The following CCDC171 variants were observed in gnomAD, a reference collection of about 807,000 sequenced individuals.
CCDC171 encodes the protein coiled-coil domain-containing protein 171.
In CCDC171, 177 loss-of-function variants were observed where a neutral mutation model predicts 168.2. The observed-to-expected ratio is 1.05, with a 90% CI of 0.93 to 1.19. CCDC171 has a LOEUF of 1.19. Among genes scored for constraint, CCDC171 ranks in the 50% most tolerant of loss-of-function variants. CCDC171 has a pLI of 0.00. For missense variants in CCDC171, 1,991 were observed against 1,539.0 expected (o/e 1.29, Z -4.91); for synonymous variants, 687 against 540.8 (o/e 1.27, Z -3.75).
chr9:15,925,839 G>T (rs1825834755), intron 25 of CCDC171, among the ~76,000 whole-genome samples: 1 of 151,644 alleles, frequency 6.6e-6, no homozygotes, highest in Non-Finnish European at 1.5e-5. Flanking sequence ...CATCATCTCT[G>T]AAAAGCACTG....
At chr9:15,648,334 G>A (rs2047216018) in intron 7 of CCDC171, among the ~76,000 whole-genome samples, 1 of 152,114 alleles carries the variant, frequency 6.6e-6, no homozygotes, top group Admixed American at 6.5e-5. Flanking sequence ...TTGAAAACTG[G>A]CACAATCCAG....
In CCDC171 at chr9:15,706,052, T is replaced by C. The variant is rs755868306; in HGVS notation, c.1318+10715T>C. Among the ~76,000 whole-genome samples the C allele has an allele frequency of 5.6e-4, 85 of 152,190 alleles. 1 individual carries two copies. Among genetic ancestry groups the C allele is most frequent in the Non-Finnish European group, 1.1e-3 (72 of 68,024 alleles). On this transcript the variant is annotated intron_variant, in intron 11 of 25. Coordinates refer to ENST00000380701, the MANE Select transcript of CCDC171 (RefSeq NM_173550.4). ...TCTTTCATGGATCATAGAAATGCCA[T>C]CTTGATTGCCTCTATCATTAGGGAC...
intron 18 of CCDC171, among the ~76,000 whole-genome samples, chr9:15,755,865 A>G (rs528246960): frequency 2.0e-5 from 3 of 152,300 alleles, no homozygotes; most frequent in South Asian, 4.1e-4. Flanking sequence ...AAAATGTTTT[A>G]AAATTGGTTG....
At chr9:15,715,132 C>G (rs973478629) in intron 11 of CCDC171, among the ~76,000 whole-genome samples, 1 of 152,186 alleles carries the variant, frequency 6.6e-6, no homozygotes, top group Non-Finnish European at 1.5e-5. Flanking sequence ...CTACACAGAA[C>G]TCATCAACGA....
At chr9:16,055,537 C>T (rs922353796) in intron 1 of CCDC171, among the ~76,000 whole-genome samples, 2 of 152,124 alleles carry the variant, frequency 1.3e-5, no homozygotes, top group African/African-American at 4.8e-5. Context: ...GTCCACTGCC[C>T]CCTCAGCAAC....
intron 24 of CCDC171, among the ~76,000 whole-genome samples, chr9:15,878,578 C>G (rs1000031473): frequency 6.6e-6 from 1 of 152,110 alleles, no homozygotes. Context: ...GGCAATTCCT[C>G]AAAAAGCTGA....
In CCDC171 at chr9:15,698,901, C is replaced by G. The variant is rs755076202; in HGVS notation, c.1318+3564C>G. On this transcript the variant is annotated intron_variant, in intron 11 of 25. Coordinates refer to ENST00000380701, the MANE Select transcript of CCDC171 (RefSeq NM_173550.4). ...CCATTGCTAGACACTTAGGTTGATT[C>G]TATATCTTGGTTATTGTGAATAATA... Among the ~76,000 whole-genome samples, 4 of 152,164 alleles carry G rather than the reference C, an allele frequency of 2.6e-5. No individual in the cohort carries two copies. The South Asian group carries it at 6.2e-4, about 24-fold the overall frequency.
rs1375640027 is a variant in CCDC171 at position 15,818,495 on chromosome 9, C to G, written c.3268-28207C>G. 1.7e-5 allele frequency among the ~76,000 whole-genome samples: 2 copies of G among 117,378 alleles called. 1 individual carries two copies. Among genetic ancestry groups the G allele is most frequent in the Admixed American group, 1.6e-4 (2 of 12,424 alleles). The allele number at this position is 117,378 out of a possible 152,430, so 77.0% of individuals were successfully genotyped here. Reference sequence around the variant, plus strand: ...ACTAGAATAACCAATGCAGAGAAGTCCTTAAAGGACCTGATGAAGCTGAAA... The same window carrying G: ...ACTAGAATAACCAATGCAGAGAAGTGCTTAAAGGACCTGATGAAGCTGAAA... On this transcript the variant is annotated intron_variant, in intron 21 of 25. Coordinates refer to ENST00000380701, the MANE Select transcript of CCDC171 (RefSeq NM_173550.4).
At chr9:15,750,807 C>T (rs1422755199) in intron 18 of CCDC171, among the ~76,000 whole-genome samples, 1 of 152,126 alleles carries the variant, frequency 6.6e-6, no homozygotes, top group Non-Finnish European at 1.5e-5. Flanking sequence ...TTATGACAAA[C>T]CCACAGCCAA....
At chr9:15,842,241 A>G (rs1387932584) in intron 21 of CCDC171, among the ~76,000 whole-genome samples, 4 of 152,026 alleles carry the variant, frequency 2.6e-5, no homozygotes, top group Non-Finnish European at 4.4e-5. Context: ...GAAAATCTAT[A>G]AAAGCAATAT....
chr9:16,059,834 C>A lies in CCDC171; in HGVS notation n.90-812C>A, dbSNP rs552421218. On this transcript the variant is annotated intron_variant and non_coding_transcript_variant, in intron 1 of 1. Transcript: ENST00000478913. ...TGGCCTTTTTTTTTTCTTTAACACACCCGACTTATTAAAAAACTTGCAAGT... is the reference window on the plus strand; with the variant it reads ...TGGCCTTTTTTTTTTCTTTAACACAACCGACTTATTAAAAAACTTGCAAGT... 4.0e-5 allele frequency among the ~76,000 whole-genome samples: 6 copies of A among 151,758 alleles called. No individual in the cohort carries two copies. The East Asian group carries it at 1.2e-3, about 30-fold the overall frequency.
At chr9:15,571,075 G>T (rs1165152969) in intron 2 of CCDC171, among the ~76,000 whole-genome samples, 1 of 152,088 alleles carries the variant, frequency 6.6e-6, no homozygotes. Flanking sequence ...GCTTTTGGGG[G>T]TTATCAGTTA....
chr9:15,846,646 A>C, intron 21 of CCDC171, 56 bp from the exon 22 acceptor site: 1 of 1,565,772 alleles, frequency 6.4e-7, no homozygotes, highest in East Asian at 2.2e-5. Flanking sequence ...CCTATGGCAT[A>C]AATTGAAGTT....
Position 15,630,724 on chromosome 9 carries a change from T to C in CCDC171, c.822+7311T>C, listed in dbSNP as rs559512124. On this transcript the variant is annotated intron_variant, in intron 7 of 25. Transcript: ENST00000380701. ...CCACCCCAAATCAACAGAATATACA[T>C]TTTTTTCAGCACCACACCTACTCCA... Among the ~76,000 whole-genome samples the C allele has an allele frequency of 1.1e-4, 17 of 152,250 alleles. No homozygotes were observed. The East Asian group carries it at 3.3e-3, about 29-fold the overall frequency.
chr9:15,983,729 G>A (rs796469708), intron 3 of CCDC171, among the ~76,000 whole-genome samples: 20 of 151,404 alleles, frequency 1.3e-4, no homozygotes, highest in African/African-American at 4.6e-4. Context: ...GGATGGATGT[G>A]ATTGCCTGCA....
intron 21 of CCDC171, among the ~76,000 whole-genome samples, chr9:15,832,099 C>T (rs1404911849): frequency 2.0e-5 from 3 of 152,050 alleles, no homozygotes; most frequent in Non-Finnish European, 4.4e-5. Context: ...CAACTTTTCC[C>T]ATGATCTTCT....
In CCDC171 at chr9:15,875,534, C is replaced by G. The variant is rs182932701; in HGVS notation, c.3600+871C>G. 3 of 151,782 alleles carry G rather than the reference C, an allele frequency of 2.0e-5. No individual in the cohort carries two copies. In the South Asian group the frequency reaches 6.2e-4, roughly 32 times the overall value. 9.4% of individuals were successfully genotyped at this position (151,782 alleles called of 1,614,324 possible). A position where few individuals can be genotyped will look rare whatever the true frequency, so the allele number is the denominator to read the frequency against. On this transcript the variant is annotated intron_variant, in intron 24 of 25. Transcript: ENST00000380701. The stretch of plus-strand genomic sequence containing the variant: ...GCATGATATTTCAAAAGAGACTGTC[C>G]TTGTTCAATAGCACTCTATTTTTTA...
the CCDC171 span, among the ~76,000 whole-genome samples, chr9:16,096,694 A>T: frequency 6.6e-6 from 1 of 152,160 alleles, no homozygotes; most frequent in Admixed American, 6.5e-5. Context: ...GTGTTTCTCC[A>T]TGACACACTT....
chr9:15,581,932 G>A (rs148911591), intron 4 of CCDC171, among the ~76,000 whole-genome samples: 3,786 of 152,126 alleles, frequency 0.025, 162 homozygotes, highest in African/African-American at 0.087. Flanking sequence ...TAGACAAATG[G>A]GATCTAATTA....
Sources: allele counts gnomAD v4.1 joint callset (sites outside exome capture counted in the v4.1 genomes callset), GRCh38; gene constraint gnomAD v4.1.1; transcripts MANE v1.5; gene names NCBI Gene and HGNC (gene_info 2026-07-23, HGNC 2026-07-21).